The following NBEAL2 variants were observed in gnomAD, a reference collection of about 807,000 sequenced individuals.
NBEAL2 encodes the protein neurobeachin-like protein 2.
Under a neutral mutation model 299.8 loss-of-function variants are expected in NBEAL2, and 160 were observed. The ratio of observed to expected loss-of-function variants is 0.53; its 90% CI spans 0.47 to 0.61. NBEAL2 has a LOEUF of 0.61. Among genes scored for constraint, NBEAL2 ranks in the 20% least tolerant of loss-of-function variants. The pLI is 0.00. For synonymous variants in NBEAL2, 1,493 were observed against 1,542.3 expected (o/e 0.97, Z 0.75); for missense variants, 3,112 against 3,649.0 (o/e 0.85, Z 3.79).
chr3:46,979,884 A>G lies in NBEAL2; in HGVS notation c.23A>G (p.Tyr8Cys), dbSNP rs1457178111. The change falls in exon 1 of 54, where the codon TAC (tyrosine) becomes TGC (cysteine). Residue 8 changes from tyrosine (Y) to cysteine (C), a missense_variant. Coordinates refer to ENST00000450053, the MANE Select transcript of NBEAL2 (RefSeq NM_015175.3). MAASERL[Y>C]ELWLLYYAQK... ...GCCATGGCCGCCTCGGAGCGGCTGT[A>G]CGAGTTGTGGCTGCTCTACTACGCG... 2 of 469,666 alleles carry G rather than the reference A, an allele frequency of 4.3e-6. No homozygotes were observed. The highest frequency in any genetic ancestry group is 7.7e-6 in the Non-Finnish European group (2 of 259,784). The allele number at this position is 469,666 out of a possible 1,614,324, so 29.1% of individuals were successfully genotyped here. A position where few individuals can be genotyped will look rare whatever the true frequency, so the allele number is the denominator to read the frequency against.
In NBEAL2 at chr3:47,004,882, G is replaced by A; in HGVS notation, c.6295-90G>A. The A allele has an allele frequency of 2.0e-6, 3 of 1,530,750 alleles. No homozygotes were observed. Among genetic ancestry groups the A allele is most frequent in the Admixed American group, 2.0e-5 (1 of 50,616 alleles). 94.8% of individuals were successfully genotyped at this position (1,530,750 alleles called of 1,614,324 possible). A position where few individuals can be genotyped will look rare whatever the true frequency, so the allele number is the denominator to read the frequency against. On this transcript the variant is annotated intron_variant, in intron 38 of 53. Coordinates refer to ENST00000450053, the MANE Select transcript of NBEAL2 (RefSeq NM_015175.3). The surrounding 1 kb of genome is among the most constrained non-coding windows in gnomAD (Gnocchi z 5.0). ...CTCCCCCAACCTGTGGGCAGGCTCT[G>A]TGCCCGCCTTCTTGAGGGTGTGGGC...
intron 20 of NBEAL2, 131 bp downstream of exon 20, chr3:46,997,825 G>C: frequency 2.3e-6 from 3 of 1,323,098 alleles, no homozygotes; most frequent in Non-Finnish European, 3.0e-6. Flanking sequence ...GGGCCTGAAA[G>C]GCCGAGCAGG....
At chr3:46,999,836 G>T (rs1022262590) in intron 26 of NBEAL2, 53 bp from the exon 27 acceptor site, 1 of 1,598,860 alleles carries the variant, frequency 6.3e-7, no homozygotes, top group Non-Finnish European at 8.6e-7. Flanking sequence ...CCTGGATGAG[G>T]GTCTGGAGCA....
rs934753775 is a variant in NBEAL2, at chr3:47,000,374, G to A, written c.4275G>A (p.Gly1425=). Residue 1425 remains glycine, a synonymous_variant, in exon 27 of 54, where the codon GGG becomes GGA. Coordinates refer to ENST00000450053, the MANE Select transcript of NBEAL2 (RefSeq NM_015175.3). The surrounding 1 kb of genome is among the most constrained non-coding windows in gnomAD (Gnocchi z 4.5). ...DGSLPEPTIS[G]DDTSNTSNPQ... ...GCCTCCCGGAGCCCACCATTAGCGG[G>A]GATGATACCTCGAACACCAGCAACC... 4 of 1,585,564 alleles carry A rather than the reference G, an allele frequency of 2.5e-6. No individual in the cohort carries two copies. The highest frequency in any genetic ancestry group is 3.4e-6 in the Non-Finnish European group (4 of 1,162,756).
chr3:47,008,974 C>CCCTCT lies in NBEAL2; in HGVS notation c.8028-12_8028-8dup, dbSNP rs756596386. ...TTGCAGTCGCAAGTTGGTGTATATC[C>CCCTCT]CCTCTCCCTTCCAGACTGCTCCCGG... On this transcript the variant is annotated splice_polypyrimidine_tract_variant and intron_variant, in intron 52 of 53. Transcript: ENST00000450053. 1.5e-5 allele frequency: 24 copies of CCCTCT among 1,598,538 alleles called. No individual in the cohort carries two copies. Among genetic ancestry groups the CCCTCT allele is most frequent in the Non-Finnish European group, 1.9e-5 (22 of 1,179,830 alleles).
chr3:47,007,598 G>T lies in NBEAL2; in HGVS notation c.7408G>T (p.Asp2470Tyr). The T allele has an allele frequency of 4.3e-6, 7 of 1,612,128 alleles. No individual in the cohort carries two copies. Among genetic ancestry groups the T allele is most frequent in the Non-Finnish European group, 5.9e-6 (7 of 1,179,524 alleles). The change falls in exon 48 of 54, where the codon GAT becomes TAT. Residue 2470 changes from aspartate (D) to tyrosine (Y), a missense_variant. By Grantham distance (160) the Asp-to-Tyr change is radical. Coordinates refer to ENST00000450053, the MANE Select transcript of NBEAL2 (RefSeq NM_015175.3). Reference sequence around the variant, plus strand: ...TGGACAAGCACTGGCAGTGGCCCCGGATGGAAAGCTGCTATTCAGCGGTGG... The same window carrying T: ...TGGACAAGCACTGGCAGTGGCCCCGTATGGAAAGCTGCTATTCAGCGGTGG... ...VSGQALAVAP[D>Y]GKLLFSGGHW... is the part of the protein sequence containing the mutation.
chr3:47,009,661 C>G lies in NBEAL2; in HGVS notation c.*341C>G, dbSNP rs1045677290. ...TGGCCTTAATTCCTAACGGCGGCCCCGGTTCTCCCTTCTCGGCAATAAACC... is the reference window on the plus strand; with the variant it reads ...TGGCCTTAATTCCTAACGGCGGCCCGGGTTCTCCCTTCTCGGCAATAAACC... On this transcript the variant is annotated 3_prime_UTR_variant, in exon 54 of 54. Coordinates refer to ENST00000450053, the MANE Select transcript of NBEAL2 (RefSeq NM_015175.3). 3.0e-6 allele frequency: 1 copy of G among 333,428 alleles called. No homozygotes were observed. The highest frequency in any genetic ancestry group is 5.5e-6 in the Non-Finnish European group (1 of 180,236). The allele number at this position is 333,428 out of a possible 1,614,324, so 20.7% of individuals were successfully genotyped here.
chr3:46,998,195 C>A lies in NBEAL2; in HGVS notation c.3087C>A (p.Leu1029=). 1 of 1,610,460 alleles carries A rather than the reference C, an allele frequency of 6.2e-7. No individual in the cohort carries two copies. Among genetic ancestry groups the A allele is most frequent in the Admixed American group, 1.7e-5 (1 of 59,656 alleles). Residue 1029 remains leucine (L), a synonymous_variant, in exon 21 of 54, where the codon CTC becomes CTA. Coordinates refer to ENST00000450053, the MANE Select transcript of NBEAL2 (RefSeq NM_015175.3). ...AGCATTTGCTCTTCAACTTTCACCT[C>A]TGGACCCTCAGTGACTTCGCCGTGC... ...LYQHLLFNFH[L]WTLSDFAVRL...
Position 47,000,539 on chromosome 3 carries a change from C to T in NBEAL2, c.4305+135C>T. 3.5e-6 allele frequency: 4 copies of T among 1,151,164 alleles called. No homozygotes were observed. The highest frequency in any genetic ancestry group is 4.9e-6 in the Non-Finnish European group (4 of 821,622). The allele number at this position is 1,151,164 out of a possible 1,614,324, so 71.3% of individuals were successfully genotyped here. A position where few individuals can be genotyped will look rare whatever the true frequency, so the allele number is the denominator to read the frequency against. On this transcript the variant is annotated intron_variant, in intron 27 of 53. Coordinates refer to ENST00000450053, the MANE Select transcript of NBEAL2 (RefSeq NM_015175.3). This position sits in a 1 kb window ranked among gnomAD's most constrained non-coding sequence, Gnocchi z 4.5. ...TTGCAGCCACTGGTCAGGCCTATTG[C>T]TGTCCCCTCATAGCTCTCATCTGCA...
intron 9 of NBEAL2, 50 bp from the exon 10 acceptor site, chr3:46,992,422 TTCC>T: frequency 2.0e-6 from 3 of 1,502,362 alleles, no homozygotes; most frequent in Non-Finnish European, 2.7e-6. Context: ...CTCTCCCATC[TTCC>T]TCCTCTCTTC....
intron 1 of NBEAL2, among the ~76,000 whole-genome samples, chr3:46,981,111 C>T: frequency 6.6e-6 from 1 of 152,278 alleles, no homozygotes; most frequent in Admixed American, 6.5e-5. Flanking sequence ...TAACTCAGAT[C>T]GAACTCGACT....
chr3:47,003,217 G>A lies in NBEAL2; in HGVS notation c.5628G>A (p.Leu1876=). ...LTPTEEASLP[L]AVTKEAKVST... is the part of the protein sequence containing the mutation. The stretch of plus-strand genomic sequence containing the variant: ...CCACCGAGGAGGCCTCACTGCCTCT[G>A]GCAGTGACCAAAGAGGCCAAAGTGA... Residue 1876 remains leucine (L), a synonymous_variant, in exon 35 of 54, where the codon CTG becomes CTA. Transcript: ENST00000450053. This position sits in a 1 kb window ranked among gnomAD's most constrained non-coding sequence, Gnocchi z 7.0. 6.2e-7 allele frequency: 1 copy of A among 1,613,196 alleles called. No individual in the cohort carries two copies. Among genetic ancestry groups the A allele is most frequent in the Non-Finnish European group, 8.5e-7 (1 of 1,179,766 alleles).
At chr3:46,997,794 G>A in intron 20 of NBEAL2, 100 bp downstream of exon 20, 1 of 1,402,678 alleles carries the variant, frequency 7.1e-7, no homozygotes, top group South Asian at 1.6e-5. Flanking sequence ...AGAACCTCCT[G>A]GGAGAGTTGC....
rs778083425 is a variant in NBEAL2, at chr3:46,998,049, G to A, written c.2959-18G>A. Reference sequence around the variant, plus strand: ...AGGCAGAGCCTGAGCCCTCACTCCAGCTCCTGTCTTATCCCAGGTCCCAAG... The same window carrying A: ...AGGCAGAGCCTGAGCCCTCACTCCAACTCCTGTCTTATCCCAGGTCCCAAG... On this transcript the variant is annotated intron_variant, in intron 20 of 53. Coordinates refer to ENST00000450053, the MANE Select transcript of NBEAL2 (RefSeq NM_015175.3). 3 of 1,553,328 alleles carry A rather than the reference G, an allele frequency of 1.9e-6. No homozygotes were observed. Among genetic ancestry groups the A allele is most frequent in the East Asian group, 2.4e-5 (1 of 41,426 alleles).
chr3:46,991,652 G>T lies in NBEAL2; in HGVS notation c.889G>T (p.Glu297Ter). 1 of 1,599,146 alleles carries T rather than the reference G, an allele frequency of 6.3e-7. No individual in the cohort carries two copies. Among genetic ancestry groups the T allele is most frequent in the Non-Finnish European group, 8.5e-7 (1 of 1,179,462 alleles). ...GCCAGCTGGTCTGAGCTCAGGCCCC[G>T]AAGAGGCCCTTGTCACCCTCCGGGT... ...DWPAGLSSGP[E>*]EALVTLRVSM... Residue 297 changes from glutamate to a stop codon, truncating the protein, a stop_gained, in exon 8 of 54, where the codon GAA (glutamate) becomes TAA (stop). Transcript: ENST00000450053. LOFTEE classifies it high-confidence loss of function. The surrounding 1 kb of genome is among the most constrained non-coding windows in gnomAD (Gnocchi z 6.2).
intron 1 of NBEAL2, chr3:46,987,931 C>A: frequency 8.4e-7 from 1 of 1,194,118 alleles, no homozygotes; most frequent in Non-Finnish European, 1.1e-6. Flanking sequence ...TCCCCCTCCC[C>A]CACCGTGACT....
At chr3:47,005,641 T>C (rs1434165202) in intron 41 of NBEAL2, 22 bp downstream of exon 41, 1 of 1,613,478 alleles carries the variant, frequency 6.2e-7, no homozygotes, top group Admixed American at 1.7e-5. Flanking sequence ...GTGCTCACAC[T>C]GGAGCGGGCA....
At chr3:47,007,984 C>T (rs2037586523) in intron 49 of NBEAL2, 74 bp downstream of exon 49, 1 of 1,580,118 alleles carries the variant, frequency 6.3e-7, no homozygotes, top group South Asian at 1.1e-5. Context: ...AGTGGCCTTC[C>T]AGTCCTGTCC....
chr3:46,994,430 T>C (rs746412058), intron 11 of NBEAL2, 25 bp from the exon 12 acceptor site: 12 of 1,561,308 alleles, frequency 7.7e-6, no homozygotes, highest in Non-Finnish European at 1.0e-5. Flanking sequence ...ATGTGTTCAC[T>C]TCTTCCCCAT....
Sources: allele counts gnomAD v4.1 joint callset (sites outside exome capture counted in the v4.1 genomes callset), GRCh38; gene constraint gnomAD v4.1.1; non-coding constraint Gnocchi (gnomAD v3.1); transcripts MANE v1.5; gene names NCBI Gene and HGNC (gene_info 2026-07-23, HGNC 2026-07-21).